The following CDH13 variants were observed in gnomAD, a reference collection of about 807,000 sequenced individuals.
CDH13 encodes cadherin 13.
Under a neutral mutation model 63.8 loss-of-function variants are expected in CDH13, and 24 were observed. The ratio of observed to expected loss-of-function variants is 0.38; its 90% CI spans 0.27 to 0.53. The LOEUF is 0.53. Among genes scored for constraint, CDH13 ranks in the 20% least tolerant of loss-of-function variants. The pLI, the probability that CDH13 is intolerant of heterozygous loss-of-function variation, is 0.85. For synonymous variants in CDH13, 503 were observed against 355.3 expected (o/e 1.42, Z -4.67); for missense variants, 1,049 against 903.1 (o/e 1.16, Z -2.07).
At chr16:83,256,017 T>C (rs1445217344) in intron 5 of CDH13, among the ~76,000 whole-genome samples, 1 of 152,158 alleles carries the variant, frequency 6.6e-6, no homozygotes, top group African/African-American at 2.4e-5. Flanking sequence ...TAGGTATATA[T>C]AAATTAGCTC....
intron 5 of CDH13, among the ~76,000 whole-genome samples, chr16:83,292,039 T>C (rs1219390999): frequency 1.3e-5 from 2 of 152,238 alleles, no homozygotes; most frequent in Non-Finnish European, 2.9e-5. Flanking sequence ...CATTTTTCAC[T>C]ATTGGCCTAT....
At chr16:82,968,529 T>C (rs1908205347) in intron 2 of CDH13, among the ~76,000 whole-genome samples, 1 of 152,176 alleles carries the variant, frequency 6.6e-6, no homozygotes, top group African/African-American at 2.4e-5. Context: ...CTGAAATCTT[T>C]CCTGAACACT....
chr16:82,960,771 GTTTGTCTTTCA>G (rs1457313978), intron 2 of CDH13, among the ~76,000 whole-genome samples: 2 of 151,948 alleles, frequency 1.3e-5, no homozygotes, highest in Non-Finnish European at 2.9e-5. Flanking sequence ...CATAGAGAAG[GTTTGTCTTTCA>G]TTTGTCTGTA....
chr16:83,017,036 T>C lies in CDH13; in HGVS notation c.158-14974T>C, dbSNP rs746997598. On this transcript the variant is annotated intron_variant, in intron 2 of 13. Transcript: ENST00000567109. ...ACTTCAAATCTCAAGAGTTATTTGA[T>C]AAAAGTTATAGACAGATCAATGATA... is the stretch of plus-strand genomic sequence containing the variant. Among the ~76,000 whole-genome samples the C allele has an allele frequency of 9.3e-4, 141 of 152,196 alleles. 1 individual carries two copies. Among genetic ancestry groups the C allele is most frequent in the Admixed American group, 1.6e-3 (24 of 15,272 alleles).
intron 2 of CDH13, among the ~76,000 whole-genome samples, chr16:82,986,813 A>G (rs189567357): frequency 4.7e-4 from 71 of 152,292 alleles, no homozygotes; most frequent in African/African-American, 1.6e-3. Context: ...AAGAATTGAG[A>G]CCATATCTCA....
intron 7 of CDH13, among the ~76,000 whole-genome samples, chr16:83,582,864 C>T (rs1160334690): frequency 6.6e-6 from 1 of 152,218 alleles, no homozygotes; most frequent in African/African-American, 2.4e-5. Context: ...AAGCATGGTC[C>T]ATCCACTGAG....
At chr16:82,789,107 A>G (rs8051326) in intron 1 of CDH13, among the ~76,000 whole-genome samples, 9,828 of 152,016 alleles carry the variant, frequency 0.065, 338 homozygotes, top group Middle Eastern at 0.12. Context: ...GGCAATTTTC[A>G]CCTTTTTCCA....
intron 1 of CDH13, among the ~76,000 whole-genome samples, chr16:82,770,490 C>T (rs1326591491): frequency 2.0e-5 from 3 of 152,098 alleles, no homozygotes; most frequent in Non-Finnish European, 4.4e-5. Context: ...TAGTTTGACT[C>T]ATCAAAAATC....
At chr16:83,235,421 G>A (rs16959846) in intron 5 of CDH13, among the ~76,000 whole-genome samples, 5 of 152,202 alleles carry the variant, frequency 3.3e-5, no homozygotes, top group African/African-American at 4.8e-5. Context: ...TCATCTAACC[G>A]AATCATGTTT....
At chr16:83,507,860 C>CT (rs995022242) in intron 7 of CDH13, among the ~76,000 whole-genome samples, 2 of 150,960 alleles carry the variant, frequency 1.3e-5, no homozygotes, top group Non-Finnish European at 3.0e-5. Flanking sequence ...TAGTAAAACC[C>CT]GTCTCTACTA....
At chr16:83,482,354 TA>T (rs1381283392) in intron 6 of CDH13, among the ~76,000 whole-genome samples, 2 of 152,156 alleles carry the variant, frequency 1.3e-5, no homozygotes, top group African/African-American at 4.8e-5. Context: ...AGTTCTGAAA[TA>T]AAGAGGTTCC....
At chr16:82,872,620 T>C (rs1597862495) in intron 2 of CDH13, among the ~76,000 whole-genome samples, 2 of 152,336 alleles carry the variant, frequency 1.3e-5, no homozygotes, top group East Asian at 3.9e-4. Flanking sequence ...AGAGGTGCCC[T>C]CTATTTGTTC....
chr16:82,670,056 T>C (rs1913054575), intron 1 of CDH13, among the ~76,000 whole-genome samples: 3 of 152,218 alleles, frequency 2.0e-5, no homozygotes, highest in East Asian at 1.9e-4. Context: ...TGTTGGATAA[T>C]TGCTGCTTGT....
chr16:83,204,777 G>C (rs892945232), intron 4 of CDH13, among the ~76,000 whole-genome samples: 1 of 152,202 alleles, frequency 6.6e-6, no homozygotes, highest in Non-Finnish European at 1.5e-5. Context: ...GGTTAGGTGG[G>C]AACTGTGTTC....
chr16:83,682,549 T>C (rs76268036), intron 10 of CDH13, among the ~76,000 whole-genome samples: 2,432 of 152,242 alleles, frequency 0.016, 87 homozygotes, highest in Admixed American at 0.078. Flanking sequence ...GCTCACTGAC[T>C]GTGCGCATCC....
At chr16:83,512,193 T>C (rs1169883365) in intron 7 of CDH13, among the ~76,000 whole-genome samples, 2 of 150,830 alleles carry the variant, frequency 1.3e-5, no homozygotes, top group African/African-American at 2.4e-5. Flanking sequence ...TGGTGGCGGG[T>C]GCCTGTAGTC....
chr16:83,633,387 C>T (rs978251565), intron 8 of CDH13, among the ~76,000 whole-genome samples: 5 of 152,208 alleles, frequency 3.3e-5, no homozygotes, highest in Non-Finnish European at 7.3e-5. Flanking sequence ...GGTTTGACCT[C>T]ACCGTAGAAG....
At chr16:83,776,571 C>A (rs1290475904) in intron 11 of CDH13, among the ~76,000 whole-genome samples, 1 of 152,194 alleles carries the variant, frequency 6.6e-6, no homozygotes, top group Non-Finnish European at 1.5e-5. Flanking sequence ...TAAATTTCCA[C>A]CAGCCCCGCT....
At chr16:83,731,434 C>T (rs1327996079) in intron 10 of CDH13, among the ~76,000 whole-genome samples, 2 of 152,166 alleles carry the variant, frequency 1.3e-5, no homozygotes, top group Admixed American at 1.3e-4. Context: ...AGCATTTCTT[C>T]ATATGTTTGT....
Sources: gnomAD v4.1 joint callset for allele counts (sites outside exome capture counted in the v4.1 genomes callset) on GRCh38, gnomAD v4.1.1 for gene constraint, MANE v1.5 for transcripts, NCBI Gene and HGNC (gene_info 2026-07-23, HGNC 2026-07-21) for gene names.